SOD2: variants seen among roughly 807,000 people sequenced by gnomAD.
SOD2 encodes superoxide dismutase 2, also known as superoxide dismutase [Mn], mitochondrial.
A neutral mutation model predicts 27.0 loss-of-function variants in SOD2; 11 were observed. The observed-to-expected ratio is 0.41, with a 90% CI of 0.26 to 0.67. The LOEUF (loss-of-function observed/expected upper bound fraction) is 0.67, where lower values mean the gene tolerates loss of function less well. Among genes scored for constraint, SOD2 ranks in the 30% least tolerant of loss-of-function variants. The pLI, the probability that SOD2 is intolerant of heterozygous loss-of-function variation, is 0.34. For synonymous variants in SOD2, 105 were observed against 103.0 expected, an observed-to-expected ratio of 1.02 and a Z score of -0.12; for missense variants, 250 against 274.5, an observed-to-expected ratio of 0.91 and a Z score of 0.63.
At chr6:159,707,518 A>G (rs1015991175) in intron 1 of SOD2, among the ~76,000 whole-genome samples, 27 of 152,266 alleles carry the variant, frequency 1.8e-4, no homozygotes, top group Non-Finnish European at 3.8e-4. Flanking sequence ...AAAATCTAGA[A>G]GAAATGGATA....
At chr6:159,762,041 G>A (rs777261949) in exon 1 of SOD2, 17 of 1,605,856 alleles carry the variant, frequency 1.1e-5, no homozygotes, top group Non-Finnish European at 1.4e-5. Flanking sequence ...GAGGAGCTTT[G>A]CCTAGCTTGC....
chr6:159,758,186 G>C (rs1261504818), intron 1 of SOD2, among the ~76,000 whole-genome samples: 1 of 152,018 alleles, frequency 6.6e-6, no homozygotes, highest in Non-Finnish European at 1.5e-5. Context: ...GTATCCTCGA[G>C]GCTCGATATT....
chr6:159,700,844 T>G (rs574263459), intron 1 of SOD2, among the ~76,000 whole-genome samples: 11 of 152,296 alleles, frequency 7.2e-5, no homozygotes, highest in South Asian at 2.1e-4. Flanking sequence ...TGTTAAACTC[T>G]GACTTTTTAC....
At chr6:159,755,745 C>T (rs370705119) in intron 1 of SOD2, 1,035 of 286,694 alleles carry the variant, frequency 3.6e-3, no homozygotes, top group African/African-American at 0.016. Context: ...TGTTTTTTTT[C>T]TTTGTTTTTT....
upstream of SOD2, among the ~76,000 whole-genome samples, chr6:159,695,223 T>C (rs1437315193): frequency 1.3e-5 from 2 of 152,164 alleles, no homozygotes; most frequent in Admixed American, 1.3e-4. Flanking sequence ...GATAATGAAA[T>C]ATTCCTATTG....
upstream of SOD2, among the ~76,000 whole-genome samples, chr6:159,731,485 AAAG>A (rs2114872886): frequency 6.6e-6 from 1 of 152,258 alleles, no homozygotes; most frequent in African/African-American, 2.4e-5. Context: ...GAGAGGAAAA[AAAG>A]AAAATTTAAG....
At chr6:159,705,630 T>A (rs1319680466) in intron 1 of SOD2, among the ~76,000 whole-genome samples, 1 of 152,172 alleles carries the variant, frequency 6.6e-6, no homozygotes, top group African/African-American at 2.4e-5. Context: ...AAAGACCAAA[T>A]CTACGTCTGA....
chr6:159,709,977 T>A (rs2114818614), intron 1 of SOD2, among the ~76,000 whole-genome samples: 1 of 152,004 alleles, frequency 6.6e-6, no homozygotes. Context: ...GGGACATGGA[T>A]GACGCTGGAA....
In SOD2 at chr6:159,732,874, G is replaced by C. The variant is rs373579028; in HGVS notation, c.-116+12256C>G. Reference sequence around the variant, plus strand: ...TTTCTCTCTCTCTCTCTCTCTCTCTGTATATATATATAGTGTGTGTGTGTG... The same window carrying C: ...TTTCTCTCTCTCTCTCTCTCTCTCTCTATATATATATAGTGTGTGTGTGTG... On this transcript the variant is annotated intron_variant, in intron 1 of 3. Transcript: ENST00000537657. Among the ~76,000 whole-genome samples the C allele has an allele frequency of 3.0e-4, 38 of 125,368 alleles. No homozygotes were observed. In the Middle Eastern group the frequency reaches 0.037, roughly 124 times the overall value. 82.2% of individuals were successfully genotyped at this position (125,368 alleles called of 152,430 possible).
At chr6:159,736,632 C>G in intron 1 of SOD2, 1 of 186,918 alleles carries the variant, frequency 5.3e-6, no homozygotes, top group Non-Finnish European at 1.1e-5. Context: ...CAAATAATGT[C>G]AAAAATGGAC....
In SOD2 at chr6:159,755,848, A is replaced by G. The variant is rs1344195753; in HGVS notation, c.-336+5189T>C. 3 of 624,622 alleles carry G rather than the reference A, an allele frequency of 4.8e-6. No homozygotes were observed. The African/African-American group carries it at 6.7e-5, about 14-fold the overall frequency. 38.7% of individuals were successfully genotyped at this position (624,622 alleles called of 1,614,324 possible). On this transcript the variant is annotated intron_variant, in intron 1 of 7. Transcript: ENST00000546087. Reference sequence around the variant, plus strand: ...ACAGTTAATTACTTTGAATGTTGCTAAAAGGACATTTTGTGTAGGGTCAAG... The same window carrying G: ...ACAGTTAATTACTTTGAATGTTGCTGAAAGGACATTTTGTGTAGGGTCAAG...
intron 1 of SOD2, chr6:159,713,758 G>T (rs745891532): frequency 2.1e-6 from 2 of 938,070 alleles, no homozygotes; most frequent in Non-Finnish European, 3.5e-6. Context: ...ACGTATCTGT[G>T]TCCCATGGTT....
At chr6:159,727,900 C>G (rs996635133), upstream of SOD2, among the ~76,000 whole-genome samples, 8 of 152,232 alleles carry the variant, frequency 5.3e-5, no homozygotes, top group Admixed American at 3.9e-4. Context: ...GCCATTTTAT[C>G]TCTGTCCTCC....
rs1007274042 is a variant in SOD2, at chr6:159,725,227, C to A, written c.-116+1902G>T. Among the ~76,000 whole-genome samples, 17 of 152,070 alleles carry A rather than the reference C, an allele frequency of 1.1e-4. 2 individuals carry two copies. The highest frequency in any genetic ancestry group is 2.4e-5 in the African/African-American group (1 of 41,406). ...GTGGTGGTGGTTCATTCCTGTAATC[C>A]CAGCACTTTGGGAGGCCAACCTGCA... On this transcript the variant is annotated intron_variant, in intron 1 of 2. Coordinates refer to the SOD2 transcript ENST00000401980.
chr6:159,702,681 A>T (rs1777545862), intron 1 of SOD2, among the ~76,000 whole-genome samples: 1 of 139,976 alleles, frequency 7.1e-6, no homozygotes, highest in East Asian at 2.0e-4. Context: ...AAAAAAAAAG[A>T]AAGAAAGAAA....
At chr6:159,702,680 G>GAAAA (rs1777545908) in intron 1 of SOD2, among the ~76,000 whole-genome samples, 2 of 100,002 alleles carry the variant, frequency 2.0e-5, no homozygotes, top group African/African-American at 3.9e-5. Context: ...AAAAAAAAAA[G>GAAAA]AAAGAAAGAA....
chr6:159,739,090 T>G, intron 1 of SOD2: 1 of 1,468,588 alleles, frequency 6.8e-7, no homozygotes. Context: ...TATAGAACAT[T>G]ATATTGTGAC....
intron 1 of SOD2, among the ~76,000 whole-genome samples, chr6:159,732,850 TTCTCTCTC>T (rs146820451): frequency 0.21 from 31,144 of 147,498 alleles, 3,394 homozygotes; most frequent in East Asian, 0.4. Flanking sequence ...GTCTGCTTCT[TTCTCTCTC>T]TCTCTCTCTC....
At chr6:159,735,780 C>T (rs1341502468) in intron 1 of SOD2, among the ~76,000 whole-genome samples, 1 of 151,914 alleles carries the variant, frequency 6.6e-6, no homozygotes. Flanking sequence ...TATAATATAT[C>T]TAAAAAACTA....
Sources: gnomAD v4.1 joint callset for allele counts (sites outside exome capture counted in the v4.1 genomes callset) on GRCh38, gnomAD v4.1.1 for gene constraint, MANE v1.5 for transcripts, NCBI Gene and HGNC (gene_info 2026-07-23, HGNC 2026-07-21) for gene names.